SGCZ: variants seen among roughly 807,000 people sequenced by gnomAD.
SGCZ encodes the protein sarcoglycan zeta, also known as zeta-sarcoglycan.
In SGCZ, 40 loss-of-function variants were observed where a neutral mutation model predicts 41.3. That is an observed-to-expected ratio of 0.97 (90% CI 0.75 to 1.26). SGCZ has a LOEUF of 1.26. Ranked by LOEUF, SGCZ falls within the 50% of genes most tolerant of loss-of-function variation. The pLI is 0.00. For missense variants in SGCZ, 552 were observed against 369.8 expected (o/e 1.49, Z -4.04); for synonymous variants, 206 against 137.5 (o/e 1.50, Z -3.49).
At chr8:14,787,011 T>C (rs1478890303) in intron 1 of SGCZ, among the ~76,000 whole-genome samples, 2 of 152,118 alleles carry the variant, frequency 1.3e-5, no homozygotes, top group Admixed American at 1.3e-4. Flanking sequence ...AACTCTTTCC[T>C]ACAAGCTCAC....
chr8:14,125,993 G>A (rs1802843444), intron 5 of SGCZ, among the ~76,000 whole-genome samples: 1 of 152,192 alleles, frequency 6.6e-6, no homozygotes, highest in Non-Finnish European at 1.5e-5. Context: ...ATAGATTAAA[G>A]ACATAAATGT....
chr8:14,410,197 C>T (rs549521471), intron 2 of SGCZ, among the ~76,000 whole-genome samples: 2 of 152,196 alleles, frequency 1.3e-5, no homozygotes, highest in South Asian at 4.1e-4. Flanking sequence ...TGAGGTGGAA[C>T]ATTTATCCCG....
intron 1 of SGCZ, among the ~76,000 whole-genome samples, chr8:14,731,547 T>A (rs1040624195): frequency 3.9e-5 from 6 of 152,050 alleles, no homozygotes; most frequent in Non-Finnish European, 7.4e-5. Flanking sequence ...AAATAATTTT[T>A]AAAAAAAGAA....
At chr8:15,022,120 T>C (rs1003521699) in intron 1 of SGCZ, among the ~76,000 whole-genome samples, 1 of 152,166 alleles carries the variant, frequency 6.6e-6, no homozygotes, top group African/African-American at 2.4e-5. Context: ...AAGGTAACAA[T>C]GATAATTTCA....
intron 1 of SGCZ, among the ~76,000 whole-genome samples, chr8:14,906,896 G>A (rs925743571): frequency 2.0e-5 from 3 of 152,128 alleles, no homozygotes; most frequent in Non-Finnish European, 2.9e-5. Flanking sequence ...ATTAGACAAT[G>A]GCATTGTTAT....
intron 1 of SGCZ, among the ~76,000 whole-genome samples, chr8:14,596,063 T>A (rs1022486176): frequency 6.6e-6 from 1 of 152,222 alleles, no homozygotes. Flanking sequence ...CCTGCCACCG[T>A]CAGATAGATG....
intron 1 of SGCZ, among the ~76,000 whole-genome samples, chr8:15,047,547 T>G (rs547373184): frequency 6.6e-6 from 1 of 152,016 alleles, no homozygotes; most frequent in Non-Finnish European, 1.5e-5. Context: ...TACTACAACA[T>G]AATACAAAAT....
intron 1 of SGCZ, among the ~76,000 whole-genome samples, chr8:15,120,261 G>C (rs1294546882): frequency 2.0e-5 from 3 of 152,192 alleles, no homozygotes; most frequent in East Asian, 3.9e-4. Flanking sequence ...ATTTCAAAAA[G>C]CTATGTTTAA....
At chr8:14,283,100 C>A (rs1464022740) in intron 3 of SGCZ, among the ~76,000 whole-genome samples, 1 of 151,938 alleles carries the variant, frequency 6.6e-6, no homozygotes, top group Non-Finnish European at 1.5e-5. Flanking sequence ...CCGCCCGCCT[C>A]GGCCTTCCAA....
intron 1 of SGCZ, among the ~76,000 whole-genome samples, chr8:15,089,558 A>G (rs1806073934): frequency 6.6e-6 from 1 of 152,132 alleles, no homozygotes; most frequent in Non-Finnish European, 1.5e-5. Flanking sequence ...CATCGAGTTT[A>G]TAGTAAAGAT....
intron 1 of SGCZ, among the ~76,000 whole-genome samples, chr8:14,903,763 G>T (rs1799041550): frequency 6.6e-6 from 1 of 151,966 alleles, no homozygotes; most frequent in East Asian, 1.9e-4. Flanking sequence ...ACTAGTCAGA[G>T]TATGAGTGAT....
intron 1 of SGCZ, among the ~76,000 whole-genome samples, chr8:14,768,132 G>C (rs371305947): frequency 1.3e-5 from 2 of 152,284 alleles, no homozygotes; most frequent in African/African-American, 4.8e-5. Flanking sequence ...TGCAGAGAAA[G>C]AGAAAATATG....
chr8:14,830,981 T>C (rs1037175358), intron 1 of SGCZ, among the ~76,000 whole-genome samples: 24 of 152,194 alleles, frequency 1.6e-4, no homozygotes, highest in African/African-American at 5.5e-4. Context: ...GAAAGAGCTC[T>C]TGAAAGGAGC....
chr8:14,110,471 TGATAGA>T (rs1252269165), intron 5 of SGCZ, among the ~76,000 whole-genome samples: 2 of 152,148 alleles, frequency 1.3e-5, no homozygotes, highest in Non-Finnish European at 2.9e-5. Flanking sequence ...AATTAAAAAC[TGATAGA>T]GGTCTCAATT....
intron 1 of SGCZ, among the ~76,000 whole-genome samples, chr8:14,938,349 G>A (rs186310177): frequency 6.6e-5 from 10 of 152,100 alleles, no homozygotes; most frequent in Admixed American, 3.3e-4. Flanking sequence ...CACCTCTGCC[G>A]CTCCTGAGAT....
intron 1 of SGCZ, among the ~76,000 whole-genome samples, chr8:14,914,576 G>C (rs952739082): frequency 1.3e-5 from 2 of 152,086 alleles, no homozygotes; most frequent in African/African-American, 2.4e-5. Context: ...CGTTCTTTTA[G>C]TCATAGCCCA....
chr8:14,371,544 TG>T (rs1389939742), intron 2 of SGCZ, among the ~76,000 whole-genome samples: 1 of 152,112 alleles, frequency 6.6e-6, no homozygotes, highest in African/African-American at 2.4e-5. Flanking sequence ...TCTATATTTT[TG>T]GGGCATTCTA....
chr8:14,941,884 T>A (rs1800286932), intron 1 of SGCZ, among the ~76,000 whole-genome samples: 1 of 151,584 alleles, frequency 6.6e-6, no homozygotes, highest in Admixed American at 6.6e-5. Context: ...TTTATATATA[T>A]GTTATATATA....
chr8:14,161,751 C>T (rs1361471163), intron 5 of SGCZ, among the ~76,000 whole-genome samples: 4 of 151,814 alleles, frequency 2.6e-5, no homozygotes, highest in African/African-American at 7.3e-5. Context: ...ATAGATCAAT[C>T]GAGAACATTA....
Sources: gnomAD v4.1 joint callset for allele counts (sites outside exome capture counted in the v4.1 genomes callset) on GRCh38, gnomAD v4.1.1 for gene constraint, MANE v1.5 for transcripts, NCBI Gene and HGNC (gene_info 2026-07-23, HGNC 2026-07-21) for gene names.